The following NYNRIN variants were observed in gnomAD, a reference collection of about 807,000 sequenced individuals.
NYNRIN encodes the protein protein NYNRIN.
A neutral mutation model predicts 146.6 loss-of-function variants in NYNRIN; 86 were observed. The observed-to-expected ratio is 0.59, with a 90% confidence interval of 0.49 to 0.70. The LOEUF is 0.70. Ranked by LOEUF, NYNRIN falls within the 30% of genes least tolerant of loss-of-function variation. NYNRIN has a pLI of 0.00. For missense variants in NYNRIN, 2,191 were observed against 2,377.7 expected, an observed-to-expected ratio of 0.92 and a Z score of 1.63; for synonymous variants, 1,027 against 1,001.3, an observed-to-expected ratio of 1.03 and a Z score of -0.48.
In NYNRIN at chr14:24,416,233, T is replaced by G; in HGVS notation, c.4484T>G (p.Leu1495Arg). 6.2e-7 allele frequency: 1 copy of G among 1,613,998 alleles called. No individual in the cohort carries two copies. ...ACCCTGGCCGACATCATTGCCAGGC[T>G]GCAGGCTGGGCAGAAACTGTCTGGC... is the stretch of plus-strand genomic sequence containing the variant. ...DSTLADIIAR[L>R]QAGQKLSGSS... The change falls in exon 9 of 9, where the codon CTG (leucine) becomes CGG (arginine). Residue 1495 changes from leucine to arginine, a missense_variant. Transcript: ENST00000382554.
chr14:24,407,751 G>A (rs556081045), intron 2 of NYNRIN, 118 bp from the exon 3 acceptor site: 4 of 900,294 alleles, frequency 4.4e-6, no homozygotes, highest in African/African-American at 1.7e-5. Context: ...GGTGGATGGG[G>A]GGTGGTAGTG....
intron 8 of NYNRIN, among the ~76,000 whole-genome samples, chr14:24,414,041 G>A (rs1417347817): frequency 2.0e-5 from 3 of 152,238 alleles, no homozygotes; most frequent in South Asian, 2.1e-4. Context: ...CAATTGGTTT[G>A]CAGTAACTTG....
Position 24,409,464 on chromosome 14 carries a change from A to C in NYNRIN, c.1670A>C (p.Asn557Thr), listed in dbSNP as rs145724098. 4.0e-4 allele frequency: 653 copies of C among 1,613,906 alleles called. 2 individuals carry two copies. The African/African-American group carries it at 7.9e-3, about 19-fold the overall frequency. ...GCTGCAGCAGTGCCCAAAGCTGAAAATCCCTCCAGAACTCAAGTGCCATCT... is the reference window on the plus strand; with the variant it reads ...GCTGCAGCAGTGCCCAAAGCTGAAACTCCCTCCAGAACTCAAGTGCCATCT... Reference protein sequence around the residue: ...PMAAAVPKAENPSRTQVPSAA... With the variant: ...PMAAAVPKAETPSRTQVPSAA... The change falls in exon 4 of 9, where the codon AAT becomes ACT. Residue 557 changes from asparagine (N) to threonine (T), a missense_variant. Transcript: ENST00000382554.
chr14:24,416,055 CTGTT>C lies in NYNRIN; in HGVS notation c.4309_4312del (p.Phe1437LeufsTer2), dbSNP rs766328351. 3 of 1,614,036 alleles carry C rather than the reference CTGTT, an allele frequency of 1.9e-6. No individual in the cohort carries two copies. The highest frequency in any genetic ancestry group is 2.5e-6 in the Non-Finnish European group (3 of 1,179,892). ...CTACCGAACCTCCTACCGGGGCTCT[CTGTT>C]TGCTGTGACAGTGGACACCCTGGCC... On this transcript the variant is annotated frameshift_variant, in exon 9 of 9. Transcript: ENST00000382554. LOFTEE classifies it high-confidence loss of function.
rs1483742621 is a variant in NYNRIN at position 24,415,469 on chromosome 14, G to A, written c.3720G>A (p.Ala1240=). The A allele has an allele frequency of 4.3e-6, 7 of 1,613,758 alleles. No homozygotes were observed. Among genetic ancestry groups the A allele is most frequent in the East Asian group, 2.2e-5 (1 of 44,890 alleles). ...TTTCCTATGCCTCCCGGACCACTGCGGACCCTGAGGTGCGGGAGGGCCGCA... is the reference window on the plus strand; with the variant it reads ...TTTCCTATGCCTCCCGGACCACTGCAGACCCTGAGGTGCGGGAGGGCCGCA... ...LDLSYASRTT[A]DPEVREGRRV... is the part of the protein sequence containing the mutation. Residue 1240 remains alanine (A), a synonymous_variant, in exon 9 of 9, where the codon GCG becomes GCA. Transcript: ENST00000382554.
Position 24,409,072 on chromosome 14 carries a change from T to C in NYNRIN, c.1278T>C (p.Ser426=). 1 of 1,613,592 alleles carries C rather than the reference T, an allele frequency of 6.2e-7. No homozygotes were observed. Among genetic ancestry groups the C allele is most frequent in the South Asian group, 1.1e-5 (1 of 91,016 alleles). Reference sequence around the variant, plus strand: ...AGAAGGAGCTGGCTCCTCTGCCTAGTGCAGAAAGCCCAGCTGGTAGACCAG... The same window carrying C: ...AGAAGGAGCTGGCTCCTCTGCCTAGCGCAGAAAGCCCAGCTGGTAGACCAG... ...WKQKELAPLP[S]AESPAGRPDG... The change falls in exon 4 of 9, where the codon AGT becomes AGC. Residue 426 remains serine (S), a synonymous_variant. Transcript: ENST00000382554.
intron 2 of NYNRIN, 125 bp from the exon 3 acceptor site, chr14:24,407,744 G>A (rs1443921763): frequency 1.2e-6 from 1 of 851,568 alleles, no homozygotes; most frequent in South Asian, 1.7e-5. Context: ...GGCTCATGGT[G>A]GATGGGGGGT....
rs1053858710 is a variant in NYNRIN at position 24,411,326 on chromosome 14, A to G, written c.2546-28A>G. The G allele has an allele frequency of 6.2e-7, 1 of 1,613,246 alleles. No individual in the cohort carries two copies. The highest frequency in any genetic ancestry group is 8.5e-7 in the Non-Finnish European group (1 of 1,179,426). ...ATTTCCACTTAGCCCTCCCTTGACCATTTCTGTCTTCTGCCTTTCACCCCC... is the reference window on the plus strand; with the variant it reads ...ATTTCCACTTAGCCCTCCCTTGACCGTTTCTGTCTTCTGCCTTTCACCCCC... On this transcript the variant is annotated intron_variant, in intron 5 of 8. Transcript: ENST00000382554. The surrounding 1 kb of genome is among the most constrained non-coding windows in gnomAD (Gnocchi z 4.3).
Position 24,409,443 on chromosome 14 carries a change from C to T in NYNRIN, c.1649C>T (p.Ala550Val). ...GAAACTCTCAAAGTGCCCATGGCTGCAGCAGTGCCCAAAGCTGAAAATCCC... is the reference window on the plus strand; with the variant it reads ...GAAACTCTCAAAGTGCCCATGGCTGTAGCAGTGCCCAAAGCTGAAAATCCC... ...VPETLKVPMA[A>V]AVPKAENPSR... The change falls in exon 4 of 9, where the codon GCA becomes GTA. Residue 550 changes from alanine to valine, a missense_variant. Physicochemically the swap from Ala to Val is moderately conservative, Grantham distance 64. Transcript: ENST00000382554. The T allele has an allele frequency of 1.2e-6, 2 of 1,614,002 alleles. No individual in the cohort carries two copies. Among genetic ancestry groups the T allele is most frequent in the East Asian group, 4.5e-5 (2 of 44,880 alleles).
Position 24,407,991 on chromosome 14 carries a change from T to C in NYNRIN, c.321T>C (p.Leu107=). 1 of 1,614,028 alleles carries C rather than the reference T, an allele frequency of 6.2e-7. No homozygotes were observed. Among genetic ancestry groups the C allele is most frequent in the Admixed American group, 1.7e-5 (1 of 60,022 alleles). ...TGGACTGCCTCTGCTGGAGCACCCT[T>C]GCCTACCTGGTGCCTGGCCCCCCTG... ...LFLDCLCWST[L]AYLVPGPPGS... is the part of the protein sequence containing the mutation. Residue 107 remains leucine (L), a synonymous_variant, in exon 3 of 9, where the codon CTT becomes CTC. Coordinates refer to ENST00000382554, the MANE Select transcript of NYNRIN (RefSeq NM_025081.3).
rs753017990 is a variant in NYNRIN, at chr14:24,408,780, A to G, written c.986A>G (p.Glu329Gly). 2 of 1,614,026 alleles carry G rather than the reference A, an allele frequency of 1.2e-6. 1 individual carries two copies. Among genetic ancestry groups the G allele is most frequent in the South Asian group, 2.2e-5 (2 of 91,084 alleles). The change falls in exon 4 of 9, where the codon GAA (glutamate) becomes GGA (glycine). Residue 329 changes from glutamate to glycine, a missense_variant. Transcript: ENST00000382554. Reference protein sequence around the residue: ...LLKQRQVQKIEDKLLFQPPVS... With the variant: ...LLKQRQVQKIGDKLLFQPPVS... ...AAGCAAAGGCAGGTCCAGAAGATAG[A>G]AGATAAACTCCTCTTCCAACCTCCA... is the stretch of plus-strand genomic sequence containing the variant.
Position 24,408,283 on chromosome 14 carries a change from T to A in NYNRIN, c.613T>A (p.Trp205Arg). The change falls in exon 3 of 9, where the codon TGG (tryptophan) becomes AGG (arginine). Residue 205 changes from tryptophan to arginine, a missense_variant. By Grantham distance (101) the Trp-to-Arg change is moderately radical. Around this residue, in one of 3 missense-constraint regions of NYNRIN, gnomAD observed 895 missense variants for 941.2 expected, o/e 0.95. Coordinates refer to ENST00000382554, the MANE Select transcript of NYNRIN (RefSeq NM_025081.3). The part of the protein sequence containing the change: ...DAAGKEDIIE[W>R]LSRFGISDSH... ...TGCGGGCAAGGAAGACATCATCGAG[T>A]GGCTCAGCCGCTTCGGCATCTCTGA... 6.2e-7 allele frequency: 1 copy of A among 1,612,120 alleles called. No individual in the cohort carries two copies. Among genetic ancestry groups the A allele is most frequent in the Non-Finnish European group, 8.5e-7 (1 of 1,179,850 alleles).
chr14:24,401,315 A>G (rs2139340714), intron 2 of NYNRIN, among the ~76,000 whole-genome samples: 1 of 152,236 alleles, frequency 6.6e-6, no homozygotes, highest in South Asian at 2.1e-4. Flanking sequence ...TGGGAAAGGC[A>G]TTGTTGAAAA....
chr14:24,411,568 G>A lies in NYNRIN; in HGVS notation c.2642+118G>A, dbSNP rs915526477. 1.4e-5 allele frequency: 12 copies of A among 872,304 alleles called. No homozygotes were observed. Among genetic ancestry groups the A allele is most frequent in the African/African-American group, 3.3e-5 (2 of 60,290 alleles). The allele number at this position is 872,304 out of a possible 1,614,324, so 54.0% of individuals were successfully genotyped here. A position where few individuals can be genotyped will look rare whatever the true frequency, so the allele number is the denominator to read the frequency against. On this transcript the variant is annotated intron_variant, in intron 6 of 8. Coordinates refer to ENST00000382554, the MANE Select transcript of NYNRIN (RefSeq NM_025081.3). This position sits in a 1 kb window ranked among gnomAD's most constrained non-coding sequence, Gnocchi z 4.3. ...TGGAGGCAAACATGTTGGGGGTGTC[G>A]GTTGTGCAGAGGGTGGGGTGGAGCA...
In NYNRIN at chr14:24,408,686, G is replaced by A. The variant is rs201047655; in HGVS notation, c.892G>A (p.Ala298Thr). 3.1e-5 allele frequency: 50 copies of A among 1,612,500 alleles called. No individual in the cohort carries two copies. The East Asian group carries it at 9.4e-4, about 30-fold the overall frequency. ...GSNNQDGMDS[A>T]QEEGTVQATS... is the part of the protein sequence containing the mutation. Reference sequence around the variant, plus strand: ...CAACAACCAAGATGGTATGGACAGTGCTCAAGAGGAAGGGACAGTGCAAGC... The same window carrying A: ...CAACAACCAAGATGGTATGGACAGTACTCAAGAGGAAGGGACAGTGCAAGC... The change falls in exon 4 of 9, where the codon GCT becomes ACT. Residue 298 changes from alanine to threonine, a missense_variant. This residue lies in a region of NYNRIN where 895 missense variants were observed against 941.2 expected (regional missense o/e 0.95). Transcript: ENST00000382554.
At chr14:24,412,902 AC>A in intron 6 of NYNRIN, 94 bp from the exon 7 acceptor site, 3 of 785,278 alleles carry the variant, frequency 3.8e-6, no homozygotes, top group Non-Finnish European at 4.2e-6. Flanking sequence ...TGTCTGACAC[AC>A]CTCAATGTGA....
rs776355044 is a variant in NYNRIN, at chr14:24,414,960, G to A, written c.3211G>A (p.Gly1071Arg). The change falls in exon 9 of 9, where the codon GGA becomes AGA. Residue 1071 changes from glycine (G) to arginine (R), a missense_variant. Transcript: ENST00000382554. ...ASPYLGIPWD[G>R]KAPCQQVLAH... is the part of the protein sequence containing the mutation. Reference sequence around the variant, plus strand: ...TCCCTACCTGGGCATCCCCTGGGATGGAAAGGCTCCCTGCCAGCAGGTTCT... The same window carrying A: ...TCCCTACCTGGGCATCCCCTGGGATAGAAAGGCTCCCTGCCAGCAGGTTCT... 6 of 1,594,600 alleles carry A rather than the reference G, an allele frequency of 3.8e-6. No homozygotes were observed. In the South Asian group the frequency reaches 6.7e-5, roughly 18 times the overall value.
intron 2 of NYNRIN, among the ~76,000 whole-genome samples, chr14:24,399,731 C>A (rs2042829223): frequency 6.6e-6 from 1 of 152,166 alleles, no homozygotes; most frequent in South Asian, 2.1e-4. Context: ...GTGTGTCCCC[C>A]ATGAGACTTC....
At position 24,416,183 on chromosome 14, in the gene NYNRIN, G is replaced by A. The variant is rs778926553; in HGVS notation, c.4434G>A (p.Leu1478=). 6.2e-7 allele frequency: 1 copy of A among 1,613,994 alleles called. No individual in the cohort carries two copies. The highest frequency in any genetic ancestry group is 8.5e-7 in the Non-Finnish European group (1 of 1,179,894). Residue 1478 remains leucine, a synonymous_variant, in exon 9 of 9, where the codon TTG becomes TTA. Coordinates refer to ENST00000382554, the MANE Select transcript of NYNRIN (RefSeq NM_025081.3). ...ATGCCATGGGCAAGAGGCCCAATTT[G>A]CTGGCATTACAGCTGAGTGACAGCA... ...SPHAMGKRPN[L]LALQLSDSTL...
Sources: allele counts gnomAD v4.1 joint callset (sites outside exome capture counted in the v4.1 genomes callset), GRCh38; gene constraint gnomAD v4.1.1; regional missense constraint gnomAD v4.1.1; non-coding constraint Gnocchi (gnomAD v3.1); transcripts MANE v1.5; gene names NCBI Gene and HGNC (gene_info 2026-07-23, HGNC 2026-07-21).